Variants in CCN5 observed in about 807,000 individuals in gnomAD.
The protein encoded by CCN5 is cellular communication network factor 5.
Under a neutral mutation model 18.7 loss-of-function variants are expected in CCN5, and 17 were observed. That is an observed-to-expected ratio of 0.91 (90% CI 0.62 to 1.36). The LOEUF is 1.36. Ranked by LOEUF, CCN5 falls within the 40% of genes most tolerant of loss-of-function variation. The pLI is 0.00. For synonymous variants in CCN5, 135 were observed against 145.2 expected (o/e 0.93, Z 0.50); for missense variants, 367 against 342.9 (o/e 1.07, Z -0.56).
At chr20:44,723,803 C>G (rs151096942) in intron 2 of CCN5, 1 of 152,186 alleles carries the variant, frequency 6.6e-6, no homozygotes, top group Non-Finnish European at 1.5e-5. Flanking sequence ...GGCACACAGG[C>G]GGGAAACAGT....
rs775607816 is a variant in CCN5, at chr20:44,715,427, T to C, written c.37T>C (p.Ser13Pro). ...GTPKTHLLAF[S>P]LLCLLSKVRT... Reference sequence around the variant, plus strand: ...ACCGAAGACCCACCTCCTGGCCTTCTCCCTCCTCTGCCTCCTCTCAAAGGT... The same window carrying C: ...ACCGAAGACCCACCTCCTGGCCTTCCCCCTCCTCTGCCTCCTCTCAAAGGT... Residue 13 changes from serine (S) to proline (P), a missense_variant, in exon 1 of 4, where the codon TCC (serine) becomes CCC (proline). By Grantham distance (74) the Ser-to-Pro change is moderately conservative. Transcript: ENST00000190983. 10 of 1,599,546 alleles carry C rather than the reference T, an allele frequency of 6.3e-6. No homozygotes were observed. The Admixed American group carries it at 1.7e-4, about 28-fold the overall frequency.
chr20:44,715,348 C>T (rs1289565093), upstream of CCN5: 6 of 1,569,268 alleles, frequency 3.8e-6, no homozygotes, highest in East Asian at 2.3e-5. Flanking sequence ...CATAAAGACT[C>T]ACAGGTCCGC....
chr20:44,726,014 G>GGCATCTGCAACAGCCCCA (rs2065934100), intron 3 of CCN5, among the ~76,000 whole-genome samples: 2 of 151,880 alleles, frequency 1.3e-5, no homozygotes, highest in African/African-American at 4.8e-5. Flanking sequence ...CAACAGCCCC[G>GGCATCTGCAACAGCCCCA]CCATCCCCTT....
Position 44,727,502 on chromosome 20 carries a change from C to T in CCN5, c.*195C>T. ...TGGATCCCGAGGTATGGCAGAGGTG[C>T]AAGACCTAGTCCCCTTTCCTCTAAC... On this transcript the variant is annotated 3_prime_UTR_variant, in exon 4 of 4. Transcript: ENST00000190983. 7.1e-7 allele frequency: 1 copy of T among 1,417,272 alleles called. No homozygotes were observed. Among genetic ancestry groups the T allele is most frequent in the East Asian group, 2.7e-5 (1 of 36,824 alleles). The allele number at this position is 1,417,272 out of a possible 1,614,324, so 87.8% of individuals were successfully genotyped here. A position where few individuals can be genotyped will look rare whatever the true frequency, so the allele number is the denominator to read the frequency against.
chr20:44,718,241 T>C (rs1600988678), intron 1 of CCN5, among the ~76,000 whole-genome samples: 1 of 152,106 alleles, frequency 6.6e-6, no homozygotes, highest in Non-Finnish European at 1.5e-5. Context: ...GTGGCCGGCG[T>C]GGGAGTTGCC....
At chr20:44,717,421 G>T (rs962246977) in intron 1 of CCN5, among the ~76,000 whole-genome samples, 1 of 152,150 alleles carries the variant, frequency 6.6e-6, no homozygotes, top group Non-Finnish European at 1.5e-5. Context: ...ACAGCTGCTG[G>T]TCTATTTCCT....
chr20:44,727,081 C>T lies in CCN5; in HGVS notation c.533-6C>T, dbSNP rs1290240354. ...TCAGTGCTAACTCTTGTTCTTTCCC[C>T]CCTAGGACCCCAGTTTTCTGGCCTT... is the stretch of plus-strand genomic sequence containing the variant. On this transcript the variant is annotated splice_region_variant and splice_polypyrimidine_tract_variant and intron_variant, in intron 3 of 3. Transcript: ENST00000190983. The T allele has an allele frequency of 1.3e-6, 2 of 1,574,366 alleles. No homozygotes were observed. The highest frequency in any genetic ancestry group is 2.3e-5 in the East Asian group (1 of 44,128).
intron 2 of CCN5, chr20:44,721,198 T>C (rs1452733360): frequency 6.6e-6 from 1 of 152,072 alleles, no homozygotes; most frequent in African/African-American, 2.4e-5. Context: ...AATTCATCTG[T>C]AGGAAAAGCC....
chr20:44,722,835 C>T (rs1358229134), intron 2 of CCN5, among the ~76,000 whole-genome samples: 1 of 152,072 alleles, frequency 6.6e-6, no homozygotes, highest in Non-Finnish European at 1.5e-5. Flanking sequence ...CGTGTATTTC[C>T]AGCATCCGAC....
chr20:44,715,094 G>GCACA, upstream of CCN5: 1 of 310,784 alleles, frequency 3.2e-6, no homozygotes, highest in Non-Finnish European at 6.1e-6. Flanking sequence ...ACACACACAC[G>GCACA]CGCACACACA....
chr20:44,724,916 G>T lies in CCN5; in HGVS notation c.456G>T (p.Glu152Asp). 1 of 1,595,340 alleles carries T rather than the reference G, an allele frequency of 6.3e-7. No individual in the cohort carries two copies. The highest frequency in any genetic ancestry group is 8.5e-7 in the Non-Finnish European group (1 of 1,172,450). ...ACTGCCCCCACCCCAGGAGGGTCGA[G>T]GTCCTGGGCAAGTGCTGCCCTGAGT... ...SWDCPHPRRV[E>D]VLGKCCPEWV... Residue 152 changes from glutamate to aspartate, a missense_variant, in exon 3 of 4, where the codon GAG (glutamate) becomes GAT (aspartate). Coordinates refer to ENST00000190983, the MANE Select transcript of CCN5 (RefSeq NM_003881.4).
chr20:44,719,576 C>T (rs2065882985), intron 1 of CCN5, among the ~76,000 whole-genome samples: 1 of 152,166 alleles, frequency 6.6e-6, no homozygotes, highest in Non-Finnish European at 1.5e-5. Context: ...GTCGCTTGAA[C>T]CCAGGAGGTG....
At chr20:44,715,283 G>T, upstream of CCN5, 2 of 862,912 alleles carry the variant, frequency 2.3e-6, no homozygotes, top group Non-Finnish European at 1.8e-6. Flanking sequence ...GCGCGCGCGT[G>T]TGTACTCGTG....
At chr20:44,720,324 CA>C (rs1425157328) in intron 2 of CCN5, 2 of 584,348 alleles carry the variant, frequency 3.4e-6, no homozygotes, top group Admixed American at 6.9e-5. Context: ...CTCACTACCC[CA>C]ATAACCTTTC....
intron 2 of CCN5, among the ~76,000 whole-genome samples, chr20:44,722,447 GTCTC>G (rs1349416391): frequency 1.3e-5 from 2 of 149,290 alleles, no homozygotes; most frequent in South Asian, 2.1e-4. Context: ...CGTTCTAGAG[GTCTC>G]TCTATCTCTC....
intron 2 of CCN5, among the ~76,000 whole-genome samples, chr20:44,722,109 C>T (rs1324652340): frequency 6.6e-6 from 1 of 152,230 alleles, no homozygotes; most frequent in South Asian, 2.1e-4. Flanking sequence ...GGTCTGTCAA[C>T]ATGATGGGTG....
intron 3 of CCN5, among the ~76,000 whole-genome samples, chr20:44,726,844 A>C (rs931525140): frequency 1.4e-4 from 21 of 152,238 alleles, no homozygotes; most frequent in African/African-American, 5.1e-4. Flanking sequence ...CGTGACCAAC[A>C]CACTCTGGTT....
At chr20:44,722,225 G>A (rs1005189577) in intron 2 of CCN5, among the ~76,000 whole-genome samples, 49 of 152,096 alleles carry the variant, frequency 3.2e-4, no homozygotes, top group African/African-American at 1.2e-3. Flanking sequence ...GCTTTGCAGG[G>A]AACATACTGC....
chr20:44,716,803 A>G (rs2065862796), intron 1 of CCN5: 1 of 152,266 alleles, frequency 6.6e-6, no homozygotes, highest in Admixed American at 6.5e-5. Flanking sequence ...CCTGGACACA[A>G]GCAAAATCAC....
Sources: allele counts gnomAD v4.1 joint callset (sites outside exome capture counted in the v4.1 genomes callset), GRCh38; gene constraint gnomAD v4.1.1; transcripts MANE v1.5; gene names NCBI Gene and HGNC (gene_info 2026-07-23, HGNC 2026-07-21).